Variants in TFCP2L1 observed in about 807,000 individuals in gnomAD.
TFCP2L1 encodes transcription factor CP2-like protein 1.
TFCP2L1 carries 12 observed loss-of-function variants against 72.2 expected under a neutral mutation model. The ratio of observed to expected loss-of-function variants is 0.17; its 90% CI spans 0.11 to 0.27. The LOEUF (loss-of-function observed/expected upper bound fraction) is 0.27, where lower values mean the gene tolerates loss of function less well. Among genes scored for constraint, TFCP2L1 ranks in the 10% least tolerant of loss-of-function variants. TFCP2L1 has a pLI of 1.00. For synonymous variants in TFCP2L1, 260 were observed against 251.0 expected, an observed-to-expected ratio of 1.04 and a Z score of -0.34; for missense variants, 488 against 624.6, an observed-to-expected ratio of 0.78 and a Z score of 2.33.
rs1483714088 is a variant in TFCP2L1 at position 121,249,101 on chromosome 2, C to T, written c.292-14G>A. On this transcript the variant is annotated splice_polypyrimidine_tract_variant and intron_variant, in intron 3 of 14. Coordinates refer to ENST00000263707, the MANE Select transcript of TFCP2L1 (RefSeq NM_014553.3). ...ACGGATGATGCTCTGGGGAGGGAGG[C>T]CAGCAGGGAAACAAGTGACCGCGGG... 1 of 1,541,290 alleles carries T rather than the reference C, an allele frequency of 6.5e-7. No individual in the cohort carries two copies. Among genetic ancestry groups the T allele is most frequent in the East Asian group, 2.4e-5 (1 of 41,330 alleles).
intron 13 of TFCP2L1, among the ~76,000 whole-genome samples, chr2:121,227,537 C>T (rs953435830): frequency 2.0e-5 from 3 of 151,924 alleles, no homozygotes; most frequent in Admixed American, 1.3e-4. Context: ...CAAAATTAGC[C>T]GGGCACGGTG....
chr2:121,256,615 A>G lies in TFCP2L1; in HGVS notation c.215-6968T>C, dbSNP rs143436792. Among the ~76,000 whole-genome samples the G allele has an allele frequency of 6.3e-3, 952 of 152,162 alleles. 12 individuals carry two copies. Among genetic ancestry groups the G allele is most frequent in the African/African-American group, 0.022 (908 of 41,512 alleles). On this transcript the variant is annotated intron_variant, in intron 2 of 14. Transcript: ENST00000263707. ...AACATGGTGACACCCCGTCTCTACT[A>G]AAAATACAAAAATTAGCCGGGCATG...
intron 1 of TFCP2L1, among the ~76,000 whole-genome samples, chr2:121,282,280 A>G (rs1687278784): frequency 6.7e-6 from 1 of 148,568 alleles, no homozygotes; most frequent in African/African-American, 2.5e-5. Flanking sequence ...CCTTGCTCCA[A>G]GTTTCTTTTC....
At chr2:121,259,750 C>T (rs1686797679) in intron 2 of TFCP2L1, among the ~76,000 whole-genome samples, 1 of 152,228 alleles carries the variant, frequency 6.6e-6, no homozygotes, top group Middle Eastern at 3.4e-3. Context: ...TATACTCAAA[C>T]CCACATATTT....
chr2:121,269,680 C>A (rs1337905146), intron 2 of TFCP2L1, among the ~76,000 whole-genome samples: 1 of 151,488 alleles, frequency 6.6e-6, no homozygotes, highest in East Asian at 2.0e-4. Context: ...TGGGAGGCTG[C>A]AGCGGATCAC....
intron 12 of TFCP2L1, among the ~76,000 whole-genome samples, chr2:121,232,576 G>A (rs534022157): frequency 6.6e-6 from 1 of 152,354 alleles, no homozygotes; most frequent in South Asian, 2.1e-4. Context: ...GCAGCCAGAT[G>A]TGAACCCACA....
At chr2:121,236,980 C>T (rs563796631) in intron 10 of TFCP2L1, among the ~76,000 whole-genome samples, 28 of 152,356 alleles carry the variant, frequency 1.8e-4, no homozygotes, top group African/African-American at 6.3e-4. Flanking sequence ...CAATGCCGAG[C>T]TGAGGATGTG....
At chr2:121,276,557 C>T (rs548453132) in intron 2 of TFCP2L1, among the ~76,000 whole-genome samples, 1 of 151,124 alleles carries the variant, frequency 6.6e-6, no homozygotes, top group South Asian at 2.1e-4. Context: ...CCCCTGAGCC[C>T]GCGAGGCAGA....
chr2:121,249,310 G>A (rs976927514), intron 3 of TFCP2L1, among the ~76,000 whole-genome samples: 28 of 152,170 alleles, frequency 1.8e-4, no homozygotes, highest in African/African-American at 6.8e-4. Flanking sequence ...ATTACTAAGT[G>A]CTTTACGTTA....
At chr2:121,273,698 T>A (rs1023646284) in intron 2 of TFCP2L1, among the ~76,000 whole-genome samples, 8 of 152,142 alleles carry the variant, frequency 5.3e-5, no homozygotes, top group African/African-American at 1.7e-4. Flanking sequence ...TTTAAACACA[T>A]CATTACAAGG....
At chr2:121,250,629 C>T (rs1180262298) in intron 2 of TFCP2L1, among the ~76,000 whole-genome samples, 6 of 140,926 alleles carry the variant, frequency 4.3e-5, no homozygotes, top group Admixed American at 1.5e-4. Flanking sequence ...TTTTTTGAGA[C>T]GGAGTCTCAC....
Position 121,223,335 on chromosome 2 carries a change from C to T in TFCP2L1, c.*1006G>A, listed in dbSNP as rs1685962117. 6.6e-6 allele frequency: 1 copy of T among 152,146 alleles called. No individual in the cohort carries two copies. The highest frequency in any genetic ancestry group is 6.5e-5 in the Admixed American group (1 of 15,278). 9.4% of individuals were successfully genotyped at this position (152,146 alleles called of 1,614,324 possible). On this transcript the variant is annotated 3_prime_UTR_variant, in exon 15 of 15. Coordinates refer to ENST00000263707, the MANE Select transcript of TFCP2L1 (RefSeq NM_014553.3). ...CCCATTCTGATGCAGGCAAAATATC[C>T]TAAACATAGCCTCTACAAACAAAGA...
In TFCP2L1 at chr2:121,250,741, A is replaced by G. The variant is rs909114410; in HGVS notation, c.215-1094T>C. On this transcript the variant is annotated intron_variant, in intron 2 of 14. Transcript: ENST00000263707. ...CCTGCCTCAGCCTCCTGAGTAGCTG[A>G]GATTACAGGCGCCTGCCACCACGCC... Among the ~76,000 whole-genome samples, 14 of 150,802 alleles carry G rather than the reference A, an allele frequency of 9.3e-5. No individual in the cohort carries two copies. The East Asian group carries it at 2.2e-3, about 24-fold the overall frequency.
Position 121,216,978 on chromosome 2 carries a change from A to G in TFCP2L1, c.*7363T>C, listed in dbSNP as rs1685847553. The G allele has an allele frequency of 6.6e-6, 1 of 152,406 alleles. No homozygotes were observed. The allele number at this position is 152,406 out of a possible 1,614,324, so 9.4% of individuals were successfully genotyped here. A position where few individuals can be genotyped will look rare whatever the true frequency, so the allele number is the denominator to read the frequency against. ...AACAGTCCCCTTCTCTTCTGTGGTT[A>G]ACCAAGCAAGCCCCGCAAAGCTTTT... On this transcript the variant is annotated 3_prime_UTR_variant, in exon 15 of 15. Coordinates refer to ENST00000263707, the MANE Select transcript of TFCP2L1 (RefSeq NM_014553.3).
In TFCP2L1 at chr2:121,275,263, AGTCGC is replaced by A. The variant is rs1558746452; in HGVS notation, c.214+5852_214+5856del. ...GCCAGGCATGGCGGCGGGCGCCTGT[AGTCGC>A]GGCGCCTGTAGTCCCAGCTACTTGG... On this transcript the variant is annotated intron_variant, in intron 2 of 14. Coordinates refer to ENST00000263707, the MANE Select transcript of TFCP2L1 (RefSeq NM_014553.3). Among the ~76,000 whole-genome samples the A allele has an allele frequency of 2.3e-3, 17 of 7,446 alleles. No homozygotes were observed. The East Asian group carries it at 0.07, about 31-fold the overall frequency. The allele number at this position is 7,446 out of a possible 152,430, so 4.9% of individuals were successfully genotyped here.
chr2:121,232,336 A>G (rs1400323507), intron 12 of TFCP2L1, among the ~76,000 whole-genome samples: 4 of 151,902 alleles, frequency 2.6e-5, no homozygotes, highest in Non-Finnish European at 1.5e-5. Context: ...ATGGGGTTTC[A>G]CCATGTTGGC....
chr2:121,274,402 T>C (rs1687106025), intron 2 of TFCP2L1, among the ~76,000 whole-genome samples: 1 of 152,166 alleles, frequency 6.6e-6, no homozygotes, highest in Non-Finnish European at 1.5e-5. Context: ...GCTGAGATCA[T>C]CTTTTCTGAT....
intron 2 of TFCP2L1, among the ~76,000 whole-genome samples, chr2:121,259,718 G>A (rs993900329): frequency 6.6e-6 from 1 of 152,136 alleles, no homozygotes; most frequent in African/African-American, 2.4e-5. Flanking sequence ...CAGTGTGACT[G>A]CACTTTTGTT....
chr2:121,263,763 G>C (rs1450977161), intron 2 of TFCP2L1, among the ~76,000 whole-genome samples: 1 of 152,164 alleles, frequency 6.6e-6, no homozygotes, highest in Non-Finnish European at 1.5e-5. Flanking sequence ...TTTACGACAA[G>C]GCCAGATAAG....
Sources: allele counts gnomAD v4.1 joint callset (sites outside exome capture counted in the v4.1 genomes callset), GRCh38; gene constraint gnomAD v4.1.1; transcripts MANE v1.5; gene names NCBI Gene and HGNC (gene_info 2026-07-23, HGNC 2026-07-21).